The following ASTN2 variants were observed in gnomAD, a reference collection of about 807,000 sequenced individuals.
ASTN2 encodes astrotactin 2, also known as astrotactin-2.
In ASTN2, 54 loss-of-function variants were observed where a neutral mutation model predicts 139.8. The observed-to-expected ratio is 0.39, with a 90% confidence interval of 0.31 to 0.48. The LOEUF is 0.48. Ranked by LOEUF, ASTN2 falls within the 20% of genes least tolerant of loss-of-function variation. ASTN2 has a pLI of 0.95. For synonymous variants in ASTN2, 756 were observed against 719.5 expected, an observed-to-expected ratio of 1.05 and a Z score of -0.81; for missense variants, 1,565 against 1,725.1, an observed-to-expected ratio of 0.91 and a Z score of 1.64.
At chr9:116,579,528 A>G (rs1853862144) in intron 19 of ASTN2, among the ~76,000 whole-genome samples, 1 of 152,196 alleles carries the variant, frequency 6.6e-6, no homozygotes, top group Non-Finnish European at 1.5e-5. Context: ...CACTGTGAGA[A>G]AGTCATCTTT....
At position 117,048,200 on chromosome 9, in the gene ASTN2, C is replaced by T. The variant is rs546534710; in HGVS notation, c.1277-8235G>A. Reference sequence around the variant, plus strand: ...CTGCTGAGCTGCTATCCGACTTTAGCTTGCCCTGTGGACCTGTGATGACTC... The same window carrying T: ...CTGCTGAGCTGCTATCCGACTTTAGTTTGCCCTGTGGACCTGTGATGACTC... On this transcript the variant is annotated intron_variant, in intron 5 of 22. Transcript: ENST00000313400. Among the ~76,000 whole-genome samples the T allele has an allele frequency of 1.2e-4, 18 of 152,320 alleles. No individual in the cohort carries two copies. The South Asian group carries it at 2.3e-3, about 19-fold the overall frequency.
At chr9:116,587,346 T>A (rs3984943) in intron 19 of ASTN2, among the ~76,000 whole-genome samples, 100,171 of 126,108 alleles carry the variant, frequency 0.79, 38,039 homozygotes, top group East Asian at 0.95. Context: ...ATCTCAAATT[T>A]AAAAAAAAAA....
intron 19 of ASTN2, among the ~76,000 whole-genome samples, chr9:116,565,387 C>CAATATATATATA: frequency 2.4e-5 from 1 of 42,096 alleles, no homozygotes; most frequent in South Asian, 1.0e-3. Flanking sequence ...CTCTCTCTCT[C>CAATATATATATA]CATATATATA....
At chr9:117,283,434 A>C (rs917068730) in intron 2 of ASTN2, among the ~76,000 whole-genome samples, 2 of 152,148 alleles carry the variant, frequency 1.3e-5, no homozygotes, top group African/African-American at 2.4e-5. Flanking sequence ...GGAAAAAAAA[A>C]CGTGAATGAT....
At chr9:117,401,383 A>C (rs1027120734) in intron 1 of ASTN2, among the ~76,000 whole-genome samples, 1 of 152,148 alleles carries the variant, frequency 6.6e-6, no homozygotes, top group Admixed American at 6.6e-5. Flanking sequence ...GTCCGGGAAG[A>C]CTACTTGGAG....
At chr9:116,666,980 G>C (rs1298932804) in intron 16 of ASTN2, among the ~76,000 whole-genome samples, 1 of 106,848 alleles carries the variant, frequency 9.4e-6, no homozygotes, top group African/African-American at 3.5e-5. Context: ...TTTTGAGACA[G>C]AGTCTTGCTC....
intron 19 of ASTN2, chr9:116,613,145 C>A (rs1215110053): frequency 2.0e-5 from 3 of 152,140 alleles, no homozygotes; most frequent in Non-Finnish European, 4.4e-5. Flanking sequence ...AATTCCTGGA[C>A]ACATACAGCC....
At chr9:117,218,858 G>T (rs995517923) in intron 2 of ASTN2, among the ~76,000 whole-genome samples, 1 of 152,110 alleles carries the variant, frequency 6.6e-6, no homozygotes, top group Non-Finnish European at 1.5e-5. Context: ...TAATTTCTCT[G>T]ATTAACAATT....
intron 19 of ASTN2, among the ~76,000 whole-genome samples, chr9:116,600,716 C>G (rs1250192022): frequency 6.6e-6 from 1 of 152,194 alleles, no homozygotes; most frequent in Non-Finnish European, 1.5e-5. Context: ...TTAAATCACT[C>G]TCTATAATTT....
At chr9:117,335,190 C>T (rs146508731) in intron 1 of ASTN2, among the ~76,000 whole-genome samples, 1 of 152,300 alleles carries the variant, frequency 6.6e-6, no homozygotes, top group African/African-American at 2.4e-5. Flanking sequence ...TATTTATTTA[C>T]ATGTTTATTG....
At chr9:116,632,154 GA>G (rs1856784243) in intron 17 of ASTN2, among the ~76,000 whole-genome samples, 5 of 65,600 alleles carry the variant, frequency 7.6e-5, no homozygotes, top group African/African-American at 2.4e-4. Flanking sequence ...GAGAGAGAGA[GA>G]GACAGAGAGA....
chr9:117,356,338 G>A (rs1829539263), intron 1 of ASTN2, among the ~76,000 whole-genome samples: 1 of 152,220 alleles, frequency 6.6e-6, no homozygotes, highest in Non-Finnish European at 1.5e-5. Context: ...TGTGCTGGTA[G>A]ATATGCCACA....
intron 3 of ASTN2, among the ~76,000 whole-genome samples, chr9:117,213,861 G>A (rs1248506244): frequency 6.6e-6 from 1 of 152,112 alleles, no homozygotes; most frequent in Non-Finnish European, 1.5e-5. Context: ...GAGAAACTGG[G>A]GTGTTTAGGT....
intron 1 of ASTN2, among the ~76,000 whole-genome samples, chr9:117,326,001 G>A (rs558052412): frequency 6.6e-6 from 1 of 152,082 alleles, no homozygotes; most frequent in African/African-American, 2.4e-5. Context: ...GAGGGGTGGG[G>A]CATTCTCATC....
At chr9:117,268,329 A>G (rs1235900505) in intron 2 of ASTN2, among the ~76,000 whole-genome samples, 1 of 152,198 alleles carries the variant, frequency 6.6e-6, no homozygotes, top group East Asian at 1.9e-4. Context: ...GGTATGGGAT[A>G]AATCCCTGAC....
chr9:116,812,652 G>T (rs928822287), intron 12 of ASTN2, among the ~76,000 whole-genome samples: 2 of 152,170 alleles, frequency 1.3e-5, no homozygotes, highest in African/African-American at 4.8e-5. Flanking sequence ...ACACTCACAG[G>T]GAGGTATTGT....
chr9:117,340,719 G>C (rs1261126115), intron 1 of ASTN2, among the ~76,000 whole-genome samples: 1 of 152,152 alleles, frequency 6.6e-6, no homozygotes, highest in East Asian at 1.9e-4. Context: ...GCCATAAAAG[G>C]CACCATGTTG....
At chr9:117,359,292 A>T (rs2130892720) in intron 1 of ASTN2, among the ~76,000 whole-genome samples, 1 of 152,272 alleles carries the variant, frequency 6.6e-6, no homozygotes, top group East Asian at 1.9e-4. Context: ...GAACAACAAT[A>T]AAAAAAGATT....
At chr9:117,229,851 C>T (rs1401212445) in intron 2 of ASTN2, among the ~76,000 whole-genome samples, 3 of 152,052 alleles carry the variant, frequency 2.0e-5, no homozygotes, top group Non-Finnish European at 2.9e-5. Flanking sequence ...CAGAGAAAGT[C>T]TTTATTTCTG....
Sources: gnomAD v4.1 joint callset for allele counts (sites outside exome capture counted in the v4.1 genomes callset) on GRCh38, gnomAD v4.1.1 for gene constraint, MANE v1.5 for transcripts, NCBI Gene and HGNC (gene_info 2026-07-23, HGNC 2026-07-21) for gene names.